The following CSMD1 variants were observed in gnomAD, a reference collection of about 807,000 sequenced individuals.
CSMD1 encodes CUB and sushi domain-containing protein 1.
Under a neutral mutation model 417.5 loss-of-function variants are expected in CSMD1, and 213 were observed. The ratio of observed to expected loss-of-function variants is 0.51; its 90% CI spans 0.46 to 0.57. The LOEUF (loss-of-function observed/expected upper bound fraction) is 0.57. Among genes scored for constraint, CSMD1 ranks in the 20% least tolerant of loss-of-function variants. The pLI is 0.00. For synonymous variants in CSMD1, 2,862 were observed against 1,736.8 expected, an observed-to-expected ratio of 1.65 and a Z score of -16.11; for missense variants, 6,923 against 4,529.7, an observed-to-expected ratio of 1.53 and a Z score of -15.17.
At chr8:4,400,677 C>G (rs1044577460) in intron 3 of CSMD1, among the ~76,000 whole-genome samples, 2 of 151,674 alleles carry the variant, frequency 1.3e-5, no homozygotes, top group Non-Finnish European at 1.5e-5. Context: ...TTAGGCCGTT[C>G]AGGCTAATTT....
intron 68 of CSMD1, among the ~76,000 whole-genome samples, chr8:2,943,377 G>C (rs557868794): frequency 6.6e-6 from 1 of 151,892 alleles, no homozygotes; most frequent in Non-Finnish European, 1.5e-5. Flanking sequence ...ACAGGTGCCT[G>C]CCGCCATGCC....
intron 9 of CSMD1, among the ~76,000 whole-genome samples, chr8:3,576,718 CT>C (rs1469672854): frequency 2.6e-5 from 4 of 152,182 alleles, no homozygotes; most frequent in African/African-American, 9.7e-5. Flanking sequence ...ATGGACCCCT[CT>C]TATACACTAA....
chr8:4,197,787 G>C (rs578199876), intron 3 of CSMD1, among the ~76,000 whole-genome samples: 22 of 152,242 alleles, frequency 1.4e-4, no homozygotes, highest in African/African-American at 4.6e-4. Flanking sequence ...GCTGATATGG[G>C]AGGATTGCTT....
chr8:3,510,517 T>C (rs1317951190), intron 10 of CSMD1, among the ~76,000 whole-genome samples: 4 of 151,828 alleles, frequency 2.6e-5, no homozygotes, highest in Non-Finnish European at 4.4e-5. Flanking sequence ...AAGAAAATCT[T>C]AGAAGGTCTT....
At chr8:3,639,459 T>C (rs529616470) in intron 7 of CSMD1, among the ~76,000 whole-genome samples, 1 of 152,298 alleles carries the variant, frequency 6.6e-6, no homozygotes, top group South Asian at 2.1e-4. Context: ...GTCTATGACC[T>C]GAATTGTCTA....
chr8:4,530,314 C>CTTT lies in CSMD1; in HGVS notation c.302+107025_302+107027dup, dbSNP rs759268228. ...TTCACAGTTTATCGTACAGGTAGTGCTTTTTTTTTTTTTTTTTTTTTTTTT... is the reference window on the plus strand; with the variant it reads ...TTCACAGTTTATCGTACAGGTAGTGCTTTTTTTTTTTTTTTTTTTTTTTTTTTT... On this transcript the variant is annotated intron_variant, in intron 2 of 69. Transcript: ENST00000635120. Among the ~76,000 whole-genome samples the CTTT allele has an allele frequency of 1.9e-3, 90 of 46,676 alleles. 8 individuals are homozygous for CTTT. Among genetic ancestry groups the CTTT allele is most frequent in the African/African-American group, 5.4e-3 (63 of 11,738 alleles). 30.6% of individuals were successfully genotyped at this position (46,676 alleles called of 152,430 possible).
chr8:4,814,013 T>C (rs943062179), intron 1 of CSMD1, among the ~76,000 whole-genome samples: 5 of 152,230 alleles, frequency 3.3e-5, no homozygotes, highest in Admixed American at 1.3e-4. Flanking sequence ...AACACCCTTT[T>C]TGAGCTTCAT....
intron 4 of CSMD1, among the ~76,000 whole-genome samples, chr8:4,017,123 C>T (rs1022426304): frequency 1.3e-5 from 2 of 152,194 alleles, no homozygotes; most frequent in African/African-American, 4.8e-5. Context: ...GCTGGACGCT[C>T]TCCATGCAAT....
chr8:4,349,473 G>T (rs1284433061), intron 3 of CSMD1, among the ~76,000 whole-genome samples: 2 of 152,122 alleles, frequency 1.3e-5, no homozygotes, highest in African/African-American at 4.8e-5. Context: ...GGTTATATAG[G>T]TAGAAAATGG....
chr8:4,093,997 G>C (rs1161727257), intron 3 of CSMD1, among the ~76,000 whole-genome samples: 2 of 151,838 alleles, frequency 1.3e-5, no homozygotes, highest in Non-Finnish European at 2.9e-5. Flanking sequence ...TAGATAGATA[G>C]ATAGATAGAT....
intron 17 of CSMD1, among the ~76,000 whole-genome samples, chr8:3,390,185 T>C (rs768890501): frequency 6.6e-6 from 1 of 151,656 alleles, no homozygotes; most frequent in Non-Finnish European, 1.5e-5. Flanking sequence ...TGAAAACCTG[T>C]CTCTGCTAAA....
chr8:3,297,911 AT>A (rs1306956809), intron 25 of CSMD1, among the ~76,000 whole-genome samples: 1 of 152,182 alleles, frequency 6.6e-6, no homozygotes, highest in African/African-American at 2.4e-5. Flanking sequence ...AAAAGAAATC[AT>A]TTCAGTATAA....
At chr8:4,331,811 T>C (rs1189885883) in intron 3 of CSMD1, among the ~76,000 whole-genome samples, 1 of 152,144 alleles carries the variant, frequency 6.6e-6, no homozygotes, top group Non-Finnish European at 1.5e-5. Context: ...GTATTTTTCC[T>C]CCAAGCAAAT....
At chr8:3,063,174 G>A (rs990329820) in intron 49 of CSMD1, among the ~76,000 whole-genome samples, 4 of 152,106 alleles carry the variant, frequency 2.6e-5, no homozygotes, top group African/African-American at 4.8e-5. Context: ...TCTGCATTTT[G>A]GAGCCTATCC....
intron 12 of CSMD1, among the ~76,000 whole-genome samples, chr8:3,468,168 G>A (rs544834654): frequency 6.6e-6 from 1 of 152,254 alleles, no homozygotes; most frequent in African/African-American, 2.4e-5. Flanking sequence ...TAATTAATGG[G>A]ATCTTTTTCA....
rs1798747677 is a variant in CSMD1, at chr8:4,187,428, C to T, written c.416-155329G>A. Among the ~76,000 whole-genome samples, 6 of 152,010 alleles carry T rather than the reference C, an allele frequency of 3.9e-5. No individual in the cohort carries two copies. The South Asian group carries it at 1.2e-3, about 32-fold the overall frequency. On this transcript the variant is annotated intron_variant, in intron 3 of 69. Transcript: ENST00000635120. ...TTGGGAGGCCAAGGCAGGCAGATCA[C>T]CTGAGGTCAGGAAGAGACCAGCCTG...
At chr8:4,722,074 A>G (rs1016262520) in intron 1 of CSMD1, among the ~76,000 whole-genome samples, 10 of 152,178 alleles carry the variant, frequency 6.6e-5, no homozygotes, top group Non-Finnish European at 1.5e-4. Context: ...AGGATGAATA[A>G]GTCAAGAAAT....
chr8:3,952,130 G>A (rs1358095304), intron 5 of CSMD1, among the ~76,000 whole-genome samples: 1 of 152,098 alleles, frequency 6.6e-6, no homozygotes, highest in Non-Finnish European at 1.5e-5. Context: ...TTTAAGTAGT[G>A]GTTCACAAAG....
intron 1 of CSMD1, among the ~76,000 whole-genome samples, chr8:4,958,731 C>G (rs914044408): frequency 1.1e-4 from 16 of 151,856 alleles, no homozygotes; most frequent in Admixed American, 9.2e-4. Context: ...ATAAATGAAG[C>G]TTTTATATAA....
Sources: gnomAD v4.1 joint callset for allele counts (sites outside exome capture counted in the v4.1 genomes callset) on GRCh38, gnomAD v4.1.1 for gene constraint, MANE v1.5 for transcripts, NCBI Gene and HGNC (gene_info 2026-07-23, HGNC 2026-07-21) for gene names.